The following SMARCA2 variants were observed in gnomAD, a reference collection of about 807,000 sequenced individuals.
SMARCA2 encodes the protein SWI/SNF-related matrix-associated actin-dependent regulator of chromatin subfamily A member 2.
A neutral mutation model predicts 199.8 loss-of-function variants in SMARCA2; 61 were observed. The observed-to-expected ratio is 0.31, with a 90% CI of 0.25 to 0.38. SMARCA2 has a LOEUF of 0.38. Among genes scored for constraint, SMARCA2 ranks in the 10% least tolerant of loss-of-function variants. The pLI is 1.00. For synonymous variants in SMARCA2, 935 were observed against 732.0 expected (o/e 1.28, Z -4.48); for missense variants, 1,344 against 2,012.2 (o/e 0.67, Z 6.35).
At chr9:2,055,459 A>G (rs999899566) in intron 6 of SMARCA2, 46 of 152,204 alleles carry the variant, frequency 3.0e-4, no homozygotes, top group African/African-American at 1.1e-3. Flanking sequence ...CACTAACCCA[A>G]AGGGGATAAG....
intron 26 of SMARCA2, among the ~76,000 whole-genome samples, chr9:2,122,618 C>CTT (rs1823514421): frequency 6.6e-6 from 1 of 152,176 alleles, no homozygotes; most frequent in South Asian, 2.1e-4. Context: ...GTATAAAGAG[C>CTT]TTTGACCACT....
At chr9:2,124,817 G>A (rs533616295) in intron 27 of SMARCA2, among the ~76,000 whole-genome samples, 1 of 152,158 alleles carries the variant, frequency 6.6e-6, no homozygotes, top group African/African-American at 2.4e-5. Context: ...TGTTCCATTC[G>A]AAGGGTTAGC....
At chr9:2,076,829 G>A (rs967948322) in intron 13 of SMARCA2, among the ~76,000 whole-genome samples, 3 of 151,982 alleles carry the variant, frequency 2.0e-5, no homozygotes, top group South Asian at 2.1e-4. Context: ...CCAGCCCTCC[G>A]AGTGCCCTGG....
chr9:2,018,287 C>G (rs761842288), intron 1 of SMARCA2, among the ~76,000 whole-genome samples: 1 of 152,222 alleles, frequency 6.6e-6, no homozygotes, highest in African/African-American at 2.4e-5. Flanking sequence ...CACATGGGTG[C>G]AAAGCCTAGA....
chr9:2,093,591 G>A (rs1822152081), intron 19 of SMARCA2, among the ~76,000 whole-genome samples: 1 of 152,192 alleles, frequency 6.6e-6, no homozygotes, highest in Admixed American at 6.5e-5. Context: ...GATTTAGTAT[G>A]ATCTGATTTT....
chr9:2,184,472 C>G (rs1213844866), intron 31 of SMARCA2, among the ~76,000 whole-genome samples: 6 of 151,590 alleles, frequency 4.0e-5, no homozygotes. Flanking sequence ...TCTGCCTCAC[C>G]CTCCCAAGTA....
At chr9:2,098,344 T>C (rs554474250) in intron 21 of SMARCA2, among the ~76,000 whole-genome samples, 2 of 152,332 alleles carry the variant, frequency 1.3e-5, no homozygotes, top group African/African-American at 2.4e-5. Context: ...AGTATAAAAA[T>C]TGAGTTGGAG....
At chr9:2,096,589 A>G in intron 19 of SMARCA2, 68 bp from the exon 20 acceptor site, 1 of 929,242 alleles carries the variant, frequency 1.1e-6, no homozygotes, top group Non-Finnish European at 1.8e-6. Context: ...ACACTGACTC[A>G]GCAGTCTTCT....
At chr9:2,137,189 G>C (rs1170373723) in intron 27 of SMARCA2, among the ~76,000 whole-genome samples, 1 of 152,226 alleles carries the variant, frequency 6.6e-6, no homozygotes, top group Non-Finnish European at 1.5e-5. Flanking sequence ...AGGATCTGGA[G>C]TGTGTAACAT....
At chr9:2,090,016 T>C (rs1821983387) in intron 19 of SMARCA2, among the ~76,000 whole-genome samples, 1 of 152,196 alleles carries the variant, frequency 6.6e-6, no homozygotes, top group South Asian at 2.1e-4. Flanking sequence ...CTAATACAGA[T>C]AGATTTTTAA....
At position 2,123,696 on chromosome 9, in the gene SMARCA2, G is replaced by A. The variant is rs1823564969; in HGVS notation, c.3763-23G>A. 2 of 1,609,470 alleles carry A rather than the reference G, an allele frequency of 1.2e-6. No homozygotes were observed. The highest frequency in any genetic ancestry group is 2.2e-5 in the South Asian group (2 of 90,638). On this transcript the variant is annotated intron_variant, in intron 26 of 33. Coordinates refer to ENST00000349721, the MANE Select transcript of SMARCA2 (RefSeq NM_003070.5). The surrounding 1 kb of genome is among the most constrained non-coding windows in gnomAD (Gnocchi z 4.1). ...CCATACAGAAGCCCTGACTTTCGGT[G>A]ACCCTCTTATTAATGTCTCCAGCGG...
chr9:2,101,625 C>CA lies in SMARCA2; in HGVS notation c.3125+12dup. On this transcript the variant is annotated intron_variant, in intron 22 of 33. Transcript: ENST00000349721. ...AATGGGGTCATCAATGGGTAAATCT[C>CA]AAATTTTTTTTTCTTTTAAAAAAAA... 3 of 1,497,924 alleles carry CA rather than the reference C, an allele frequency of 2.0e-6. No individual in the cohort carries two copies. The highest frequency in any genetic ancestry group is 2.8e-6 in the Non-Finnish European group (3 of 1,084,452). 92.8% of individuals were successfully genotyped at this position (1,497,924 alleles called of 1,614,324 possible).
chr9:2,142,807 C>T (rs541921937), intron 27 of SMARCA2, among the ~76,000 whole-genome samples: 28 of 152,110 alleles, frequency 1.8e-4, no homozygotes, highest in Non-Finnish European at 3.8e-4. Flanking sequence ...GAGCAGTAAT[C>T]ATCCAAGCCA....
At chr9:2,060,166 C>T (rs925567831) in intron 8 of SMARCA2, among the ~76,000 whole-genome samples, 8 of 131,098 alleles carry the variant, frequency 6.1e-5, no homozygotes, top group Admixed American at 5.6e-4. Flanking sequence ...CAAATTTGAT[C>T]TTTCCTGTTA....
intron 12 of SMARCA2, 83 bp downstream of exon 12, chr9:2,073,706 T>G: frequency 3.0e-6 from 3 of 987,340 alleles, no homozygotes; most frequent in Non-Finnish European, 4.7e-6. Context: ...GCCCGGGCCT[T>G]GGGTCCTTCT....
intron 27 of SMARCA2, among the ~76,000 whole-genome samples, chr9:2,140,702 A>C (rs1824419274): frequency 2.0e-5 from 3 of 152,226 alleles, no homozygotes. Flanking sequence ...TTGGAGAAGG[A>C]GCCAAGAAAA....
At position 2,086,441 on chromosome 9, in the gene SMARCA2, G is replaced by A. The variant is rs895609604; in HGVS notation, c.2527-388G>A. On this transcript the variant is annotated intron_variant, in intron 17 of 33. Coordinates refer to ENST00000349721, the MANE Select transcript of SMARCA2 (RefSeq NM_003070.5). This position sits in a 1 kb window ranked among gnomAD's most constrained non-coding sequence, Gnocchi z 4.3. ...AGGTGGGTACCTATATTCTGTGCCT[G>A]TCATGAGCTGAAATAGCATGACCAT... 6.6e-6 allele frequency among the ~76,000 whole-genome samples: 1 copy of A among 152,180 alleles called. No homozygotes were observed. The highest frequency in any genetic ancestry group is 6.5e-5 in the Admixed American group (1 of 15,280).
chr9:2,192,236 A>G (rs1343495983), intron 33 of SMARCA2: 3 of 169,140 alleles, frequency 1.8e-5, no homozygotes, highest in Non-Finnish European at 3.7e-5. Context: ...CTGGAAAGAT[A>G]AATTTCCCTT....
intron 3 of SMARCA2, among the ~76,000 whole-genome samples, chr9:2,033,528 G>C (rs1023665785): frequency 6.6e-6 from 1 of 151,816 alleles, no homozygotes; most frequent in South Asian, 2.1e-4. Flanking sequence ...TGAACCACCT[G>C]TGTCCCTTGA....
Sources: allele counts gnomAD v4.1 joint callset (sites outside exome capture counted in the v4.1 genomes callset), GRCh38; gene constraint gnomAD v4.1.1; non-coding constraint Gnocchi (gnomAD v3.1); transcripts MANE v1.5; gene names NCBI Gene and HGNC (gene_info 2026-07-23, HGNC 2026-07-21).